CTNNAL1: variants seen among roughly 807,000 people sequenced by gnomAD.
The protein encoded by CTNNAL1 is catenin alpha like 1, also known as alpha-catulin.
CTNNAL1 carries 69 observed loss-of-function variants against 93.6 expected under a neutral mutation model. The ratio of observed to expected loss-of-function variants is 0.74; its 90% CI spans 0.61 to 0.90. The LOEUF (loss-of-function observed/expected upper bound fraction) is 0.90, where lower values mean the gene tolerates loss of function less well. Ranked by LOEUF, CTNNAL1 falls within the 40% of genes least tolerant of loss-of-function variation. CTNNAL1 has a pLI of 0.00. For synonymous variants in CTNNAL1, 286 were observed against 305.4 expected, an observed-to-expected ratio of 0.94 and a Z score of 0.66; for missense variants, 836 against 862.0, an observed-to-expected ratio of 0.97 and a Z score of 0.38.
intron 1 of CTNNAL1, among the ~76,000 whole-genome samples, chr9:109,003,411 C>A (rs1826911628): frequency 1.3e-5 from 2 of 152,296 alleles, no homozygotes; most frequent in South Asian, 4.1e-4. Context: ...TTCATACCAG[C>A]CCCTGCTCCA....
chr9:108,983,449 G>A (rs1419975549), intron 5 of CTNNAL1, 134 bp from the exon 6 acceptor site: 2 of 1,012,924 alleles, frequency 2.0e-6, no homozygotes, highest in Non-Finnish European at 2.6e-6. Context: ...TCACTCAGCT[G>A]CTTCTCCTCA....
At chr9:108,998,388 C>T (rs1037741380) in intron 2 of CTNNAL1, among the ~76,000 whole-genome samples, 5 of 142,660 alleles carry the variant, frequency 3.5e-5, no homozygotes, top group African/African-American at 1.0e-4. Context: ...TCTTACCTTG[C>T]TTTTTTTTTT....
At chr9:108,984,563 A>C in intron 4 of CTNNAL1, 127 bp from the exon 5 acceptor site, 3 of 556,472 alleles carry the variant, frequency 5.4e-6, no homozygotes, top group African/African-American at 1.9e-5. Flanking sequence ...AAAAAAAAAA[A>C]CCAGGATAAA....
At chr9:108,972,864 G>GGGGCGGCCCCCCC in intron 8 of CTNNAL1, 31 bp from the exon 9 acceptor site, 1 of 142,588 alleles carries the variant, frequency 7.0e-6, no homozygotes, top group Non-Finnish European at 1.0e-5. Flanking sequence ...GGGGGGGTGG[G>GGGGCGGCCCCCCC]AGGGTGGAGA....
intron 16 of CTNNAL1, 52 bp downstream of exon 16, chr9:108,943,910 G>A: frequency 6.2e-7 from 1 of 1,600,724 alleles, no homozygotes; most frequent in Non-Finnish European, 8.5e-7. Context: ...TACCCCCAAA[G>A]TAGGTTATAC....
chr9:108,947,123 T>A (rs2132082141), intron 15 of CTNNAL1, among the ~76,000 whole-genome samples: 1 of 150,972 alleles, frequency 6.6e-6, no homozygotes, highest in South Asian at 2.1e-4. Context: ...TTCTTTTTTT[T>A]TTTTTTTTGA....
At chr9:108,986,436 A>G (rs1159074582) in intron 4 of CTNNAL1, among the ~76,000 whole-genome samples, 3 of 150,990 alleles carry the variant, frequency 2.0e-5, no homozygotes, top group Non-Finnish European at 4.4e-5. Flanking sequence ...ATTGTTGGAC[A>G]TTTGGGTTGG....
intron 4 of CTNNAL1, among the ~76,000 whole-genome samples, chr9:108,988,725 T>C (rs1403384371): frequency 6.6e-6 from 1 of 152,214 alleles, no homozygotes; most frequent in Non-Finnish European, 1.5e-5. Flanking sequence ...GTTTCTGTTT[T>C]ATTGTCTATC....
chr9:108,964,877 T>TA (rs74457447), intron 11 of CTNNAL1, among the ~76,000 whole-genome samples: 8,435 of 151,528 alleles, frequency 0.056, 796 homozygotes, highest in African/African-American at 0.2. Flanking sequence ...TTTATTTATT[T>TA]TTTGAGACAG....
chr9:108,946,036 C>G (rs904408169), intron 15 of CTNNAL1, among the ~76,000 whole-genome samples: 13 of 152,150 alleles, frequency 8.5e-5, no homozygotes, highest in Non-Finnish European at 1.5e-4. Context: ...CATAGTGGCT[C>G]AGGCCTGTAA....
chr9:108,949,900 T>A (rs1830508653), intron 14 of CTNNAL1, among the ~76,000 whole-genome samples: 1 of 151,426 alleles, frequency 6.6e-6, no homozygotes, highest in Non-Finnish European at 1.5e-5. Context: ...GATGTGTGCC[T>A]GTAATCCCAG....
intron 12 of CTNNAL1, among the ~76,000 whole-genome samples, chr9:108,954,010 G>T (rs1830632878): frequency 1.3e-5 from 2 of 152,088 alleles, no homozygotes; most frequent in African/African-American, 4.8e-5. Context: ...GTTTTATTCA[G>T]AATTTTATAC....
At chr9:108,998,812 A>C (rs1041447415) in intron 2 of CTNNAL1, among the ~76,000 whole-genome samples, 1 of 152,188 alleles carries the variant, frequency 6.6e-6, no homozygotes, top group Non-Finnish European at 1.5e-5. Flanking sequence ...CCACTTCTCT[A>C]TCTCTCTCAC....
chr9:108,972,864 G>GGGGGTGCCCCC, intron 8 of CTNNAL1, 31 bp from the exon 9 acceptor site: 1 of 142,590 alleles, frequency 7.0e-6, no homozygotes, highest in Non-Finnish European at 1.0e-5. Context: ...GGGGGGGTGG[G>GGGGGTGCCCCC]AGGGTGGAGA....
intron 12 of CTNNAL1, 105 bp from the exon 13 acceptor site, chr9:108,952,599 T>C (rs1289363947): frequency 9.3e-6 from 13 of 1,398,340 alleles, no homozygotes; most frequent in Non-Finnish European, 1.2e-5. Flanking sequence ...AACAAAAGTT[T>C]AAAATATTCA....
At chr9:108,959,364 C>CA (rs36116094) in intron 11 of CTNNAL1, among the ~76,000 whole-genome samples, 1,469 of 55,798 alleles carry the variant, frequency 0.026, 45 homozygotes, top group Non-Finnish European at 0.033. Context: ...GACTCCATAT[C>CA]AAAAAAAAAA....
intron 8 of CTNNAL1, among the ~76,000 whole-genome samples, chr9:108,974,140 G>C (rs559381033): frequency 5.3e-5 from 8 of 152,044 alleles, no homozygotes; most frequent in African/African-American, 1.9e-4. Context: ...TCTATGCAAC[G>C]TCCTGACAGC....
At chr9:108,969,693 C>T (rs1407440248) in intron 10 of CTNNAL1, among the ~76,000 whole-genome samples, 2 of 152,112 alleles carry the variant, frequency 1.3e-5, no homozygotes, top group Non-Finnish European at 2.9e-5. Context: ...TGCTCTGTCA[C>T]CCAGCCTGGT....
Position 109,013,479 on chromosome 9 carries a change from G to A in CTNNAL1, c.-37C>T, listed in dbSNP as rs1484944053. ...TATCCCGCAGCCGGGACTCCGCGCC[G>A]CGGCGAGCCTGCCGCCAGTCAGCCC... is the stretch of plus-strand genomic sequence containing the variant. On this transcript the variant is annotated 5_prime_UTR_variant, in exon 1 of 19. Transcript: ENST00000325551. 7.5e-7 allele frequency: 1 copy of A among 1,325,956 alleles called. No homozygotes were observed. Among genetic ancestry groups the A allele is most frequent in the African/African-American group, 1.5e-5 (1 of 64,846 alleles). 82.1% of individuals were successfully genotyped at this position (1,325,956 alleles called of 1,614,324 possible).
Sources: gnomAD v4.1 joint callset for allele counts (sites outside exome capture counted in the v4.1 genomes callset) on GRCh38, gnomAD v4.1.1 for gene constraint, MANE v1.5 for transcripts, NCBI Gene and HGNC (gene_info 2026-07-23, HGNC 2026-07-21) for gene names.